Variants in SUGCT observed in about 807,000 individuals in gnomAD.
SUGCT encodes the protein succinyl-CoA:glutarate CoA-transferase.
A neutral mutation model predicts 55.0 loss-of-function variants in SUGCT; 41 were observed. That is an observed-to-expected ratio of 0.74 (90% CI 0.58 to 0.97). The LOEUF is 0.97. Among genes scored for constraint, SUGCT ranks in the 50% least tolerant of loss-of-function variants. The pLI is 0.00. For synonymous variants in SUGCT, 187 were observed against 200.4 expected (o/e 0.93, Z 0.56); for missense variants, 568 against 547.8 (o/e 1.04, Z -0.37).
At chr7:40,473,234 C>T (rs1322456180) in intron 11 of SUGCT, among the ~76,000 whole-genome samples, 1 of 152,098 alleles carries the variant, frequency 6.6e-6, no homozygotes, top group African/African-American at 2.4e-5. Context: ...ATCTTACATA[C>T]TTATTTTAAC....
intron 9 of SUGCT, among the ~76,000 whole-genome samples, chr7:40,323,067 T>TG (rs1416544972): frequency 1.3e-5 from 2 of 152,178 alleles, no homozygotes; most frequent in Non-Finnish European, 2.9e-5. Flanking sequence ...CCAAACCTTT[T>TG]GGCCATCTGT....
chr7:40,421,828 A>G (rs1787324579), intron 9 of SUGCT, among the ~76,000 whole-genome samples: 1 of 152,266 alleles, frequency 6.6e-6, no homozygotes, highest in Non-Finnish European at 1.5e-5. Flanking sequence ...GATACTTGTC[A>G]CCTAGTAAGA....
rs555962765 is a variant in SUGCT at position 40,150,666 on chromosome 7, C to CACACA, written c.100+15550_100+15554dup. On this transcript the variant is annotated intron_variant, in intron 1 of 13. Coordinates refer to ENST00000335693, the MANE Select transcript of SUGCT (RefSeq NM_001193313.2). The stretch of plus-strand genomic sequence containing the variant: ...AGCCTGGGGAACAAGAGCGAAACTA[C>CACACA]ACACAACAAAACAAAACAAAACAAA... Among the ~76,000 whole-genome samples, 28 of 148,348 alleles carry CACACA rather than the reference C, an allele frequency of 1.9e-4. No homozygotes were observed. The South Asian group carries it at 5.8e-3, about 31-fold the overall frequency.
chr7:41,024,584 G>C, the SUGCT span, among the ~76,000 whole-genome samples: 1 of 145,494 alleles, frequency 6.9e-6, no homozygotes, highest in Non-Finnish European at 1.5e-5. Context: ...CATATGAAAA[G>C]ACACGTAATC....
chr7:40,525,774 A>G (rs143417523), intron 12 of SUGCT, among the ~76,000 whole-genome samples: 1 of 152,316 alleles, frequency 6.6e-6, no homozygotes, highest in Non-Finnish European at 1.5e-5. Context: ...GCTGTCATTT[A>G]AATACTTAGA....
At chr7:40,726,187 A>G (rs913288624) in intron 12 of SUGCT, among the ~76,000 whole-genome samples, 3 of 152,154 alleles carry the variant, frequency 2.0e-5, no homozygotes, top group African/African-American at 4.8e-5. Context: ...GGAGTCCCCA[A>G]ATACTGTATT....
the SUGCT span, among the ~76,000 whole-genome samples, chr7:40,901,021 AGGT>A: frequency 6.6e-6 from 1 of 152,110 alleles, no homozygotes; most frequent in Non-Finnish European, 1.5e-5. Flanking sequence ...TGTATATTGT[AGGT>A]GGTGGGGAGT....
intron 7 of SUGCT, among the ~76,000 whole-genome samples, chr7:40,245,428 T>TA (rs61060694): frequency 0.13 from 4,691 of 35,000 alleles, 808 homozygotes; most frequent in Non-Finnish European, 0.16. Flanking sequence ...TATATATTTT[T>TA]TTTTTTTTTT....
rs202026664 is a variant in SUGCT, at chr7:40,456,016, T to TTTTA, written c.889-3069_889-3066dup. On this transcript the variant is annotated intron_variant, in intron 10 of 13. Coordinates refer to ENST00000335693, the MANE Select transcript of SUGCT (RefSeq NM_001193313.2). ...CTTTTAAGAAGCAACTATATTTATA[T>TTTTA]TTTATTTATTTATTTATTTTTATTT... 8.0e-3 allele frequency among the ~76,000 whole-genome samples: 1,224 copies of TTTTA among 152,062 alleles called. 19 individuals carry two copies. The highest frequency in any genetic ancestry group is 0.028 in the African/African-American group (1,181 of 41,506).
chr7:40,646,827 C>T (rs933338528), intron 12 of SUGCT, among the ~76,000 whole-genome samples: 5 of 152,096 alleles, frequency 3.3e-5, no homozygotes, highest in Non-Finnish European at 7.3e-5. Flanking sequence ...CTTTAATTCA[C>T]TAAACTCGAG....
intron 6 of SUGCT, among the ~76,000 whole-genome samples, chr7:40,223,969 C>G (rs1788185648): frequency 6.6e-6 from 1 of 152,182 alleles, no homozygotes. Context: ...AATGTCCTTT[C>G]ACAGGCTGAC....
chr7:41,015,043 A>G, the SUGCT span, among the ~76,000 whole-genome samples: 1 of 152,230 alleles, frequency 6.6e-6, no homozygotes, highest in South Asian at 2.1e-4. Flanking sequence ...GAACTTTTGA[A>G]TTAGAGATGA....
intron 12 of SUGCT, among the ~76,000 whole-genome samples, chr7:40,515,874 C>A (rs1159151171): frequency 6.6e-6 from 1 of 152,178 alleles, no homozygotes; most frequent in Non-Finnish European, 1.5e-5. Context: ...CTATGTTGAA[C>A]ATTTTAAACC....
chr7:40,184,370 C>T (rs1221226782), intron 3 of SUGCT, among the ~76,000 whole-genome samples: 1 of 152,016 alleles, frequency 6.6e-6, no homozygotes, highest in African/African-American at 2.4e-5. Flanking sequence ...GCCTTGACCT[C>T]CCGGGCTCAA....
intron 13 of SUGCT, among the ~76,000 whole-genome samples, chr7:40,805,907 A>G (rs1189280363): frequency 1.3e-5 from 2 of 152,212 alleles, no homozygotes; most frequent in South Asian, 2.1e-4. Flanking sequence ...AATGCCATCT[A>G]TGGCACGTTA....
intron 13 of SUGCT, among the ~76,000 whole-genome samples, chr7:40,859,476 T>C (rs1794374447): frequency 6.6e-6 from 1 of 152,218 alleles, no homozygotes; most frequent in Non-Finnish European, 1.5e-5. Context: ...TTAAAAGCAT[T>C]GCTCAACTCT....
the SUGCT span, among the ~76,000 whole-genome samples, chr7:40,955,914 T>G: frequency 1.3e-5 from 2 of 152,212 alleles, no homozygotes; most frequent in Admixed American, 1.3e-4. Flanking sequence ...TGATTCTGTT[T>G]ATGTGATGGA....
chr7:40,177,970 C>G (rs895076678), intron 1 of SUGCT, among the ~76,000 whole-genome samples: 1 of 152,114 alleles, frequency 6.6e-6, no homozygotes, highest in Non-Finnish European at 1.5e-5. Flanking sequence ...AGGCTGGTTT[C>G]GAATTCCTGA....
At chr7:40,267,952 A>C (rs1370382653) in intron 7 of SUGCT, among the ~76,000 whole-genome samples, 1 of 152,222 alleles carries the variant, frequency 6.6e-6, no homozygotes, top group Non-Finnish European at 1.5e-5. Context: ...CTTCATTGAA[A>C]TAAAACAATA....
Sources: allele counts gnomAD v4.1 joint callset (sites outside exome capture counted in the v4.1 genomes callset), GRCh38; gene constraint gnomAD v4.1.1; transcripts MANE v1.5; gene names NCBI Gene and HGNC (gene_info 2026-07-23, HGNC 2026-07-21).